Variants in RALGAPB observed in about 807,000 individuals in gnomAD.
RALGAPB encodes the protein Ral GTPase activating protein non-catalytic subunit beta.
A neutral mutation model predicts 161.1 loss-of-function variants in RALGAPB; 25 were observed. The observed-to-expected ratio is 0.16, with a 90% CI of 0.11 to 0.22. RALGAPB has a LOEUF of 0.22. Among genes scored for constraint, RALGAPB ranks in the 10% least tolerant of loss-of-function variants. The pLI, the probability that RALGAPB is intolerant of heterozygous loss-of-function variation, is 1.00. For synonymous variants in RALGAPB, 629 were observed against 626.1 expected (o/e 1.00, Z -0.07); for missense variants, 1,391 against 1,815.2 (o/e 0.77, Z 4.25).
intron 22 of RALGAPB, 117 bp downstream of exon 22, chr20:38,554,193 AT>A (rs1445868909): frequency 1.2e-4 from 117 of 940,886 alleles, no homozygotes; most frequent in Non-Finnish European, 1.7e-4. Flanking sequence ...ACTGGTTAAA[AT>A]TTTAGCCTGC....
chr20:38,556,080 T>C (rs2087577069), intron 22 of RALGAPB, among the ~76,000 whole-genome samples: 1 of 152,168 alleles, frequency 6.6e-6, no homozygotes, highest in South Asian at 2.1e-4. Context: ...ATTCTGATTC[T>C]TAAAAAAATA....
intron 22 of RALGAPB, among the ~76,000 whole-genome samples, chr20:38,556,430 T>C (rs2087588905): frequency 1.3e-5 from 2 of 152,098 alleles, no homozygotes; most frequent in Admixed American, 1.3e-4. Context: ...AGTTTGTAGG[T>C]AGTATGACTT....
intron 21 of RALGAPB, 57 bp from the exon 22 acceptor site, chr20:38,553,810 A>C: frequency 1.3e-6 from 1 of 770,016 alleles, no homozygotes. Flanking sequence ...AACACTTAAG[A>C]TTGGCCTTAC....
chr20:38,489,147 C>T (rs921548007), intron 2 of RALGAPB, among the ~76,000 whole-genome samples: 1 of 152,114 alleles, frequency 6.6e-6, no homozygotes, highest in African/African-American at 2.4e-5. Flanking sequence ...GCCCTTCTGG[C>T]CTAAGCCTAG....
intron 29 of RALGAPB, 134 bp downstream of exon 29, chr20:38,574,432 TA>T: frequency 9.4e-7 from 1 of 1,059,184 alleles, no homozygotes; most frequent in Non-Finnish European, 1.3e-6. Flanking sequence ...TGGCTCTTGT[TA>T]AAAAGGGAGC....
rs1468337214 is a variant in RALGAPB, at chr20:38,546,331, T to G, written c.2803T>G (p.Ser935Ala). Residue 935 changes from serine to alanine, a missense_variant, in exon 19 of 30, where the codon TCC (serine) becomes GCC (alanine). Ser to Ala is a moderately conservative substitution (Grantham distance 99). Around this residue, in one of 3 missense-constraint regions of RALGAPB, gnomAD observed 946 missense variants for 1,257.2 expected, o/e 0.75. Coordinates refer to ENST00000262879, the MANE Select transcript of RALGAPB (RefSeq NM_020336.4). ...GAATGAGACCACTTTGATTAAATAC[T>G]CCAGGCTGCCAACCATAAACAAGCA... ...LVNETTLIKY[S>A]RLPTINKHSF... The G allele has an allele frequency of 2.5e-6, 4 of 1,614,040 alleles. No individual in the cohort carries two copies. Among genetic ancestry groups the G allele is most frequent in the Non-Finnish European group, 3.4e-6 (4 of 1,180,012 alleles).
Position 38,569,944 on chromosome 20 carries a change from T to G in RALGAPB, c.4011T>G (p.Leu1337=). ...KLPQGRPVPP[L]GPETRVSVVW... ...CTCAGGGTCGCCCTGTTCCTCCCCT[T>G]GGACCTGAGACAAGAGTTTCTGTAG... Residue 1337 remains leucine, a synonymous_variant, in exon 27 of 30, where the codon CTT becomes CTG. Coordinates refer to ENST00000262879, the MANE Select transcript of RALGAPB (RefSeq NM_020336.4). The G allele has an allele frequency of 3.7e-6, 6 of 1,613,666 alleles. No homozygotes were observed. The highest frequency in any genetic ancestry group is 5.1e-6 in the Non-Finnish European group (6 of 1,179,738).
intron 1 of RALGAPB, among the ~76,000 whole-genome samples, chr20:38,480,675 A>G (rs1346952652): frequency 1.6e-4 from 24 of 150,330 alleles, no homozygotes; most frequent in Middle Eastern, 3.5e-3. Context: ...GGCATGAGCC[A>G]CCACACTTGG....
At chr20:38,555,169 GTC>G (rs2087533446) in intron 22 of RALGAPB, among the ~76,000 whole-genome samples, 1 of 152,196 alleles carries the variant, frequency 6.6e-6, no homozygotes, top group Non-Finnish European at 1.5e-5. Context: ...GAAATAACTT[GTC>G]TGGAGGTGGA....
chr20:38,554,250 C>T (rs1311082239), intron 22 of RALGAPB, among the ~76,000 whole-genome samples, 174 bp downstream of exon 22: 1 of 151,370 alleles, frequency 6.6e-6, no homozygotes, highest in Non-Finnish European at 1.5e-5. Flanking sequence ...ATAGTTTGTG[C>T]TCCAGGACAG....
chr20:38,491,608 C>T (rs946922083), intron 2 of RALGAPB, among the ~76,000 whole-genome samples: 1 of 152,226 alleles, frequency 6.6e-6, no homozygotes, highest in Admixed American at 6.5e-5. Flanking sequence ...CTTAAAATTT[C>T]TAGTTGGAAG....
At chr20:38,488,255 T>A (rs372313199) in intron 1 of RALGAPB, 148 bp from the exon 2 acceptor site, 25 of 538,314 alleles carry the variant, frequency 4.6e-5, no homozygotes, top group East Asian at 2.7e-4. Context: ...ACATTGATAG[T>A]TTCATGACCC....
At chr20:38,532,893 A>G (rs753293430) in intron 15 of RALGAPB, 34 bp downstream of exon 15, 3 of 1,597,132 alleles carry the variant, frequency 1.9e-6, no homozygotes, top group East Asian at 2.2e-5. Context: ...TCAAAGTTTA[A>G]TAGAATGACT....
rs374002098 is a variant in RALGAPB, at chr20:38,522,598, A to G, written c.1619+900A>G. On this transcript the variant is annotated intron_variant, in intron 10 of 29. Coordinates refer to ENST00000262879, the MANE Select transcript of RALGAPB (RefSeq NM_020336.4). Reference sequence around the variant, plus strand: ...AAGTGCAGAAGTGAGGTTAATATCAACAGAGTATTTAGATATCTGCATACT... The same window carrying G: ...AAGTGCAGAAGTGAGGTTAATATCAGCAGAGTATTTAGATATCTGCATACT... Among the ~76,000 whole-genome samples, 128 of 152,308 alleles carry G rather than the reference A, an allele frequency of 8.4e-4. 2 individuals carry two copies. The highest frequency in any genetic ancestry group is 7.5e-3 in the South Asian group (36 of 4,824).
chr20:38,525,618 T>C (rs1568941779), intron 12 of RALGAPB, 100 bp downstream of exon 12: 1 of 987,698 alleles, frequency 1.0e-6, no homozygotes, highest in East Asian at 2.5e-5. Flanking sequence ...TTTTTTTATT[T>C]TTCAATTCAA....
rs2145505475 is a variant in RALGAPB at position 38,565,248 on chromosome 20, CAT to C, written c.3698-106_3698-105del. The C allele has an allele frequency of 4.0e-6, 5 of 1,239,464 alleles. No individual in the cohort carries two copies. The East Asian group carries it at 1.2e-4, about 31-fold the overall frequency. The allele number at this position is 1,239,464 out of a possible 1,614,324, so 76.8% of individuals were successfully genotyped here. ...CATACTAATTGGTTCTTGTTGAAAA[CAT>C]ATATTCTATTTATCACTTTATTAAC... On this transcript the variant is annotated intron_variant, in intron 24 of 29. Transcript: ENST00000262879.
At chr20:38,509,824 TTAAC>T (rs2085879885) in intron 6 of RALGAPB, among the ~76,000 whole-genome samples, 1 of 152,220 alleles carries the variant, frequency 6.6e-6, no homozygotes, top group African/African-American at 2.4e-5. Context: ...TCTTTCTGGT[TTAAC>T]TAGCCTAATT....
chr20:38,488,546 C>G lies in RALGAPB; in HGVS notation c.114C>G (p.Val38=). Residue 38 remains valine, a synonymous_variant, in exon 2 of 30, where the codon GTC becomes GTG. Coordinates refer to ENST00000262879, the MANE Select transcript of RALGAPB (RefSeq NM_020336.4). ...GACGAGAGGTGGCAAATGCTGTAGT[C>G]CGTCCTCTTGGGCAGGTGTTAGGTA... ...SVGREVANAV[V]RPLGQVLGTP... is the part of the protein sequence containing the mutation. 6.2e-7 allele frequency: 1 copy of G among 1,614,136 alleles called. No homozygotes were observed. The highest frequency in any genetic ancestry group is 8.5e-7 in the Non-Finnish European group (1 of 1,180,012).
intron 23 of RALGAPB, among the ~76,000 whole-genome samples, chr20:38,561,455 T>C (rs572401478): frequency 1.6e-4 from 24 of 152,332 alleles, no homozygotes; most frequent in Middle Eastern, 6.8e-3. Flanking sequence ...GATCTTGGTA[T>C]AGATTAGCAT....
Sources: allele counts gnomAD v4.1 joint callset (sites outside exome capture counted in the v4.1 genomes callset), GRCh38; gene constraint gnomAD v4.1.1; regional missense constraint gnomAD v4.1.1; transcripts MANE v1.5; gene names NCBI Gene and HGNC (gene_info 2026-07-23, HGNC 2026-07-21).